GLIS3: variants seen among roughly 807,000 people sequenced by gnomAD.
GLIS3 encodes the protein GLIS family zinc finger 3.
In GLIS3, 53 loss-of-function variants were observed where a neutral mutation model predicts 78.6. The observed-to-expected ratio is 0.67, with a 90% CI of 0.54 to 0.85. The LOEUF (loss-of-function observed/expected upper bound fraction) is 0.85. GLIS3 is among the 40% of genes least tolerant of loss of function. The pLI, the probability that GLIS3 is intolerant of heterozygous loss-of-function variation, is 0.00. For missense variants in GLIS3, 1,703 were observed against 1,231.1 expected (o/e 1.38, Z -5.74); for synonymous variants, 684 against 509.9 (o/e 1.34, Z -4.60).
At chr9:3,966,435 C>CTTTT (rs764863612) in intron 4 of GLIS3, among the ~76,000 whole-genome samples, 8 of 150,828 alleles carry the variant, frequency 5.3e-5, no homozygotes, top group African/African-American at 2.0e-4. Context: ...TGATGCAAAG[C>CTTTT]CTTTTTTTTT....
At chr9:3,875,061 G>C (rs933674730) in intron 8 of GLIS3, among the ~76,000 whole-genome samples, 11 of 152,188 alleles carry the variant, frequency 7.2e-5, no homozygotes, top group Non-Finnish European at 1.5e-4. Context: ...ATTTCAAAAA[G>C]AGACTCCCAT....
intron 4 of GLIS3, among the ~76,000 whole-genome samples, chr9:4,075,445 G>A (rs10758553): frequency 0.53 from 78,248 of 148,530 alleles, 22,597 homozygotes; most frequent in African/African-American, 0.76. Flanking sequence ...GCATAGTGGC[G>A]GGTGCCTGTA....
the GLIS3 span, among the ~76,000 whole-genome samples, chr9:4,451,986 G>A: frequency 2.6e-5 from 4 of 151,902 alleles, no homozygotes; most frequent in Non-Finnish European, 4.4e-5. Context: ...AATCAAGTCG[G>A]CTTCATCCCT....
At chr9:3,874,950 G>C (rs1031526566) in intron 8 of GLIS3, among the ~76,000 whole-genome samples, 1 of 152,132 alleles carries the variant, frequency 6.6e-6, no homozygotes, top group Non-Finnish European at 1.5e-5. Context: ...CGCACTGTTT[G>C]TGGCCTTCTT....
intron 4 of GLIS3, among the ~76,000 whole-genome samples, chr9:3,976,298 T>C (rs1818785356): frequency 6.6e-6 from 1 of 152,102 alleles, no homozygotes; most frequent in Admixed American, 6.6e-5. Flanking sequence ...AAGATGTAAA[T>C]ATCTTTCCAA....
chr9:4,202,230 A>C (rs552066711), intron 2 of GLIS3, among the ~76,000 whole-genome samples: 7 of 140,814 alleles, frequency 5.0e-5, no homozygotes, highest in Non-Finnish European at 7.5e-5. Context: ...GGCTCACTGC[A>C]AGCTCTGCCT....
At chr9:3,892,700 A>G (rs924262213) in intron 7 of GLIS3, among the ~76,000 whole-genome samples, 12 of 152,196 alleles carry the variant, frequency 7.9e-5, no homozygotes, top group African/African-American at 2.9e-4. Context: ...CTTCACAGGA[A>G]AGAGACATAA....
At chr9:4,060,099 G>C (rs1826519938) in intron 4 of GLIS3, among the ~76,000 whole-genome samples, 1 of 151,944 alleles carries the variant, frequency 6.6e-6, no homozygotes, top group Non-Finnish European at 1.5e-5. Flanking sequence ...TGGTAGCCCT[G>C]GTAGCGCATA....
the GLIS3 span, among the ~76,000 whole-genome samples, chr9:4,407,564 G>A: frequency 3.3e-5 from 5 of 152,162 alleles, no homozygotes; most frequent in African/African-American, 9.7e-5. Context: ...GGAGAATGGC[G>A]AGAACCCGGG....
At chr9:4,398,341 CAG>C in the GLIS3 span, among the ~76,000 whole-genome samples, 150 of 152,130 alleles carry the variant, frequency 9.9e-4, 2 homozygotes, top group African/African-American at 3.5e-3. Flanking sequence ...ATTAGGAATG[CAG>C]AGTCTCAGAC....
chr9:4,245,529 G>C (rs1415830427), intron 2 of GLIS3, among the ~76,000 whole-genome samples: 1 of 152,330 alleles, frequency 6.6e-6, no homozygotes, highest in South Asian at 2.1e-4. Context: ...AAAATGCGAA[G>C]AGCTATATAA....
At chr9:4,205,957 T>G (rs1405378400) in intron 2 of GLIS3, among the ~76,000 whole-genome samples, 1 of 152,220 alleles carries the variant, frequency 6.6e-6, no homozygotes, top group African/African-American at 2.4e-5. Context: ...TTTTTTAGTT[T>G]GTTTTTGTTC....
At chr9:4,252,468 T>G (rs1292148469) in intron 2 of GLIS3, among the ~76,000 whole-genome samples, 1 of 152,064 alleles carries the variant, frequency 6.6e-6, no homozygotes, top group Admixed American at 6.6e-5. Flanking sequence ...GTCATTTATG[T>G]TCTCTCTAAA....
At chr9:4,060,903 T>C (rs940520631) in intron 4 of GLIS3, among the ~76,000 whole-genome samples, 3 of 152,150 alleles carry the variant, frequency 2.0e-5, no homozygotes, top group African/African-American at 4.8e-5. Flanking sequence ...CAGGTACCAT[T>C]TGAATGTGCC....
At chr9:4,159,801 C>G (rs1420233807) in intron 2 of GLIS3, among the ~76,000 whole-genome samples, 6 of 152,062 alleles carry the variant, frequency 3.9e-5, no homozygotes, top group African/African-American at 1.4e-4. Flanking sequence ...TTCCACAGAT[C>G]TCTCTTGTGA....
intron 4 of GLIS3, among the ~76,000 whole-genome samples, chr9:4,023,955 G>A (rs73388298): frequency 0.026 from 3,988 of 152,040 alleles, 152 homozygotes; most frequent in African/African-American, 0.072. Context: ...TGTCAAACAA[G>A]GGTGGTGAAT....
chr9:4,158,545 G>A (rs985398405), intron 2 of GLIS3, among the ~76,000 whole-genome samples: 1 of 152,176 alleles, frequency 6.6e-6, no homozygotes, highest in Non-Finnish European at 1.5e-5. Context: ...AGATGTCCCC[G>A]ATATGCTGAG....
chr9:4,021,498 C>T (rs1822881156), intron 4 of GLIS3, among the ~76,000 whole-genome samples: 1 of 152,112 alleles, frequency 6.6e-6, no homozygotes, highest in African/African-American at 2.4e-5. Context: ...TCTGTAGCTT[C>T]ATATCTGCTT....
the GLIS3 span, among the ~76,000 whole-genome samples, chr9:4,382,853 T>G: frequency 6.6e-6 from 1 of 152,168 alleles, no homozygotes; most frequent in African/African-American, 2.4e-5. Context: ...TTCTAATGAA[T>G]TACATGAGGG....
Sources: allele counts gnomAD v4.1 joint callset (sites outside exome capture counted in the v4.1 genomes callset), GRCh38; gene constraint gnomAD v4.1.1; transcripts MANE v1.5; gene names NCBI Gene and HGNC (gene_info 2026-07-23, HGNC 2026-07-21).